CALN1: variants seen among roughly 807,000 people sequenced by gnomAD.
CALN1 encodes the protein calneuron 1.
A neutral mutation model predicts 30.6 loss-of-function variants in CALN1; 17 were observed. The ratio of observed to expected loss-of-function variants is 0.56; its 90% CI spans 0.38 to 0.83. The LOEUF is 0.83. Among genes scored for constraint, CALN1 ranks in the 40% least tolerant of loss-of-function variants. The pLI is 0.00. For missense variants in CALN1, 291 were observed against 354.9 expected, an observed-to-expected ratio of 0.82 and a Z score of 1.45; for synonymous variants, 156 against 131.4, an observed-to-expected ratio of 1.19 and a Z score of -1.28.
At chr7:71,831,784 C>T (rs934624808) in intron 5 of CALN1, among the ~76,000 whole-genome samples, 3 of 130,690 alleles carry the variant, frequency 2.3e-5, no homozygotes, top group African/African-American at 8.4e-5. Flanking sequence ...CGCAGCTACT[C>T]GGGAAGCTGA....
chr7:72,336,886 G>A (rs963448974), intron 2 of CALN1: 20 of 984,780 alleles, frequency 2.0e-5, no homozygotes, highest in Non-Finnish European at 2.0e-5. Context: ...CCTCGCTGCC[G>A]CCGGCTCCCT....
intron 2 of CALN1, among the ~76,000 whole-genome samples, chr7:72,351,160 T>A (rs1349382104): frequency 6.6e-6 from 1 of 152,148 alleles, no homozygotes; most frequent in Admixed American, 6.5e-5. Context: ...ATAAATTTTT[T>A]AATTTTAAAA....
intron 3 of CALN1, among the ~76,000 whole-genome samples, chr7:72,181,138 A>G (rs1789776320): frequency 7.1e-6 from 1 of 140,144 alleles, no homozygotes; most frequent in Non-Finnish European, 1.5e-5. Context: ...TTGGTACCCT[A>G]TAAGCTTTTA....
intron 5 of CALN1, among the ~76,000 whole-genome samples, chr7:71,821,125 C>G (rs974730725): frequency 2.6e-5 from 4 of 152,064 alleles, no homozygotes; most frequent in Non-Finnish European, 5.9e-5. Flanking sequence ...GTTAATGACA[C>G]AGATTTAGCA....
rs111962191 is a variant in CALN1 at position 71,917,105 on chromosome 7, G to A, written c.501+106552C>T. On this transcript the variant is annotated intron_variant, in intron 5 of 6. Transcript: ENST00000395275. ...GCTAGTTGAGAAGGTGCTTTTCTGA[G>A]ATGTGGAAACCTTGAGCTCAGAGCA... 8.3e-3 allele frequency among the ~76,000 whole-genome samples: 1,258 copies of A among 152,284 alleles called. 12 individuals carry two copies. The highest frequency in any genetic ancestry group is 0.028 in the African/African-American group (1,175 of 41,534).
intron 2 of CALN1, among the ~76,000 whole-genome samples, chr7:72,323,661 C>T (rs1317099798): frequency 1.0e-5 from 1 of 96,240 alleles, no homozygotes; most frequent in Non-Finnish European, 2.3e-5. Flanking sequence ...GACTCCATCT[C>T]AAAAAAAAAA....
At chr7:72,233,409 T>C (rs891651831) in intron 3 of CALN1, among the ~76,000 whole-genome samples, 5 of 151,906 alleles carry the variant, frequency 3.3e-5, no homozygotes. Flanking sequence ...CACAAAGAGA[T>C]GTTTCCTTTC....
intron 3 of CALN1, among the ~76,000 whole-genome samples, chr7:72,277,035 C>A (rs11981552): frequency 0.19 from 27,542 of 148,440 alleles, 3,348 homozygotes; most frequent in East Asian, 0.44. Context: ...CTGAACTGTG[C>A]GAAATAAATT....
At chr7:71,878,383 C>T (rs965940602) in intron 5 of CALN1, among the ~76,000 whole-genome samples, 3 of 148,640 alleles carry the variant, frequency 2.0e-5, no homozygotes, top group Non-Finnish European at 4.4e-5. Flanking sequence ...GCCTGGGCAA[C>T]AGAGTGAGAC....
chr7:72,113,588 C>T (rs529465657), intron 3 of CALN1, among the ~76,000 whole-genome samples: 1 of 152,338 alleles, frequency 6.6e-6, no homozygotes, highest in South Asian at 2.1e-4. Flanking sequence ...CAAAGGATGG[C>T]CTGTAGCCAA....
At chr7:72,236,905 G>A (rs965860506) in intron 3 of CALN1, among the ~76,000 whole-genome samples, 8 of 152,156 alleles carry the variant, frequency 5.3e-5, no homozygotes, top group African/African-American at 1.4e-4. Context: ...CTGGGAGTCT[G>A]CAGAATTTAA....
intron 6 of CALN1, among the ~76,000 whole-genome samples, chr7:71,809,474 AAAAAG>A (rs1181032764): frequency 6.6e-6 from 1 of 151,266 alleles, no homozygotes; most frequent in Non-Finnish European, 1.5e-5. Context: ...CAAAAAAAAA[AAAAAG>A]AAAAGAAAAG....
At chr7:72,327,150 G>C (rs1801336285) in intron 2 of CALN1, among the ~76,000 whole-genome samples, 2 of 152,156 alleles carry the variant, frequency 1.3e-5, no homozygotes, top group Admixed American at 1.3e-4. Flanking sequence ...GTCAACTTGG[G>C]CTTTATGTGA....
chr7:72,001,830 G>C (rs1029372016), intron 5 of CALN1, among the ~76,000 whole-genome samples: 2 of 152,128 alleles, frequency 1.3e-5, no homozygotes, highest in Non-Finnish European at 2.9e-5. Flanking sequence ...ATTCATGTCA[G>C]GTAAGCATGT....
intron 5 of CALN1, among the ~76,000 whole-genome samples, chr7:71,975,117 G>A (rs1385481410): frequency 1.3e-5 from 2 of 152,078 alleles, no homozygotes; most frequent in East Asian, 1.9e-4. Flanking sequence ...GCTGTGCAGG[G>A]ACAGATACTC....
intron 3 of CALN1, among the ~76,000 whole-genome samples, chr7:72,130,551 A>G (rs1051760342): frequency 9.9e-5 from 15 of 152,100 alleles, no homozygotes; most frequent in African/African-American, 3.6e-4. Flanking sequence ...AGTATGGACA[A>G]AACCGCAATT....
intron 5 of CALN1, among the ~76,000 whole-genome samples, chr7:71,940,586 GTTC>G (rs1248647927): frequency 2.0e-5 from 3 of 152,028 alleles, no homozygotes; most frequent in Non-Finnish European, 2.9e-5. Context: ...AGTTTTTATA[GTTC>G]TTCTTCTGTT....
chr7:71,916,246 C>T (rs1276816308), intron 5 of CALN1, among the ~76,000 whole-genome samples: 1 of 151,880 alleles, frequency 6.6e-6, no homozygotes, highest in African/African-American at 2.4e-5. Context: ...ATCTGTTAGT[C>T]AATCAAACAT....
intron 5 of CALN1, among the ~76,000 whole-genome samples, chr7:71,919,893 A>G (rs533129192): frequency 6.6e-6 from 1 of 152,332 alleles, no homozygotes; most frequent in African/African-American, 2.4e-5. Context: ...TTTATTATCT[A>G]ATGACAGTAT....
Sources: allele counts gnomAD v4.1 joint callset (sites outside exome capture counted in the v4.1 genomes callset), GRCh38; gene constraint gnomAD v4.1.1; transcripts MANE v1.5; gene names NCBI Gene and HGNC (gene_info 2026-07-23, HGNC 2026-07-21).